The following UPB1 variants were observed in gnomAD, a reference collection of about 807,000 sequenced individuals.
The protein encoded by UPB1 is beta-ureidopropionase 1.
In UPB1, 40 loss-of-function variants were observed where a neutral mutation model predicts 49.1. That is an observed-to-expected ratio of 0.81 (90% CI 0.63 to 1.06). UPB1 has a LOEUF of 1.06. Ranked by LOEUF, UPB1 falls within the 50% of genes least tolerant of loss-of-function variation. The pLI, the probability that UPB1 is intolerant of heterozygous loss-of-function variation, is 0.00. For missense variants in UPB1, 499 were observed against 505.9 expected, an observed-to-expected ratio of 0.99 and a Z score of 0.13; for synonymous variants, 207 against 198.2, an observed-to-expected ratio of 1.04 and a Z score of -0.38.
At position 24,515,234 on chromosome 22, in the gene UPB1, C is replaced by G. The variant is rs199744697; in HGVS notation, c.655C>G (p.Pro219Ala). The part of the protein sequence containing the change: ...TYYMEGNLGH[P>A]VFQTQFGRIA... ...CTACATGGAGGGAAACCTGGGCCAC[C>G]CCGTGTTCCAGACGCAGTTCGGAAG... Residue 219 changes from proline to alanine, a missense_variant, in exon 6 of 10, where the codon CCC becomes GCC. Pro to Ala is a conservative substitution (Grantham distance 27). Coordinates refer to ENST00000326010, the MANE Select transcript of UPB1 (RefSeq NM_016327.3). 7 of 1,614,184 alleles carry G rather than the reference C, an allele frequency of 4.3e-6. No individual in the cohort carries two copies. The Admixed American group carries it at 6.7e-5, about 15-fold the overall frequency.
rs187839543 is a variant in UPB1, at chr22:24,497,367, C to T, written c.104+1860C>T. Among the ~76,000 whole-genome samples, 110 of 152,276 alleles carry T rather than the reference C, an allele frequency of 7.2e-4. 1 individual carries two copies. Among genetic ancestry groups the T allele is most frequent in the South Asian group, 3.5e-3 (17 of 4,830 alleles). On this transcript the variant is annotated intron_variant, in intron 1 of 9. Coordinates refer to ENST00000326010, the MANE Select transcript of UPB1 (RefSeq NM_016327.3). ...ATTTGATTCACCCCCGCCATGAGCA[C>T]ATGTCTCTTTTGTAACAGAGCTCTA... is the stretch of plus-strand genomic sequence containing the variant.
In UPB1 at chr22:24,505,175, A is replaced by G. The variant is rs958257738; in HGVS notation, c.364+2962A>G. 2.6e-5 allele frequency among the ~76,000 whole-genome samples: 4 copies of G among 152,120 alleles called. No individual in the cohort carries two copies. In the East Asian group the frequency reaches 5.8e-4, roughly 22 times the overall value. The stretch of plus-strand genomic sequence containing the variant: ...CTTTTGGTCTGAAAGTCCCTGTTGT[A>G]TTACATCCTGTTCTTGCATCATGGT... On this transcript the variant is annotated intron_variant, in intron 3 of 9. Transcript: ENST00000326010.
intron 3 of UPB1, among the ~76,000 whole-genome samples, chr22:24,510,109 G>A (rs1431540723): frequency 6.6e-6 from 1 of 151,854 alleles, no homozygotes; most frequent in East Asian, 1.9e-4. Context: ...GCGCATACCT[G>A]TAATCCCATC....
At chr22:24,517,824 G>C (rs1043075908) in intron 6 of UPB1, among the ~76,000 whole-genome samples, 3 of 152,152 alleles carry the variant, frequency 2.0e-5, no homozygotes, top group African/African-American at 7.2e-5. Context: ...ATGCCCTTTG[G>C]CCTGATAATG....
chr22:24,509,379 AAAAAAAAAAAAAAAAAAG>A (rs2044152914), intron 3 of UPB1, among the ~76,000 whole-genome samples: 1 of 55,684 alleles, frequency 1.8e-5, no homozygotes, highest in Non-Finnish European at 5.3e-5. Context: ...AAAAAAAAAA[AAAAAAAAAAAAAAAAAAG>A]CAAAAACCAA....
At position 24,501,767 on chromosome 22, in the gene UPB1, G is replaced by A. The variant is rs370125814; in HGVS notation, c.277-359G>A. Among the ~76,000 whole-genome samples the A allele has an allele frequency of 1.1e-3, 165 of 152,286 alleles. 2 individuals carry two copies. The South Asian group carries it at 0.032, about 29-fold the overall frequency. ...CTCTGAAGGCAGGAGAGTGGGGAGC[G>A]GAGTCCCGGGCCAAGGGGGTGGCTG... is the stretch of plus-strand genomic sequence containing the variant. On this transcript the variant is annotated intron_variant, in intron 2 of 9. Transcript: ENST00000326010.
intron 6 of UPB1, chr22:24,519,993 T>G (rs534600851): frequency 3.4e-5 from 10 of 293,856 alleles, no homozygotes; most frequent in African/African-American, 1.7e-4. Flanking sequence ...ACCACTTGGA[T>G]CTTCACCTGC....
At chr22:24,513,600 G>A (rs1000826352) in intron 5 of UPB1, 115 bp downstream of exon 5, 53 of 1,412,390 alleles carry the variant, frequency 3.8e-5, no homozygotes, top group Middle Eastern at 2.4e-4. Context: ...TCCATGTCAC[G>A]TACACTCCAC....
rs77989906 is a variant in UPB1 at position 24,499,556 on chromosome 22, A to G, written c.105-551A>G. ...CAAGCCCACCCAACACCAGATGTAG[A>G]ACTGGCCTCCCCCAGCAGGAGCAGC... On this transcript the variant is annotated intron_variant, in intron 1 of 9. Transcript: ENST00000326010. 8.4e-3 allele frequency among the ~76,000 whole-genome samples: 1,275 copies of G among 152,274 alleles called. 24 individuals carry two copies. Among genetic ancestry groups the G allele is most frequent in the African/African-American group, 0.029 (1,191 of 41,556 alleles).
At chr22:24,502,042 T>C (rs2044002228) in intron 2 of UPB1, 84 bp from the exon 3 acceptor site, 1 of 1,432,912 alleles carries the variant, frequency 7.0e-7, no homozygotes, top group African/African-American at 1.4e-5. Flanking sequence ...TGGGCATTGA[T>C]TTTTCCATAT....
chr22:24,521,722 C>CA (rs1437730651), intron 7 of UPB1, among the ~76,000 whole-genome samples: 1 of 152,196 alleles, frequency 6.6e-6, no homozygotes. Flanking sequence ...TCTCTTCTCT[C>CA]AGATTATGAA....
chr22:24,497,318 T>C (rs2043910326), intron 1 of UPB1, among the ~76,000 whole-genome samples: 1 of 152,190 alleles, frequency 6.6e-6, no homozygotes, highest in South Asian at 2.1e-4. Flanking sequence ...GGAATGTATG[T>C]TTCATTTTAT....
intron 7 of UPB1, among the ~76,000 whole-genome samples, chr22:24,521,478 A>C (rs528156124): frequency 6.6e-6 from 1 of 152,222 alleles, no homozygotes; most frequent in East Asian, 1.9e-4. Context: ...TCCGTCTCCA[A>C]AATAAATAAA....
intron 2 of UPB1, among the ~76,000 whole-genome samples, chr22:24,501,275 C>T (rs1355124989): frequency 6.6e-6 from 1 of 151,852 alleles, no homozygotes; most frequent in Non-Finnish European, 1.5e-5. Flanking sequence ...GACTATAGGC[C>T]TTGTGGAGAG....
intron 3 of UPB1, among the ~76,000 whole-genome samples, chr22:24,508,317 C>G (rs564298357): frequency 1.7e-4 from 26 of 152,218 alleles, no homozygotes; most frequent in Non-Finnish European, 3.8e-4. Context: ...CCAGCACTTT[C>G]TGAGCCTGAG....
At chr22:24,510,944 A>T in intron 4 of UPB1, 101 bp downstream of exon 4, 2 of 1,207,756 alleles carry the variant, frequency 1.7e-6, no homozygotes, top group Non-Finnish European at 2.4e-6. Context: ...TGGAAAATGC[A>T]CCCATTTGGT....
At chr22:24,502,008 C>A in intron 2 of UPB1, 118 bp from the exon 3 acceptor site, 1 of 1,008,618 alleles carries the variant, frequency 9.9e-7, no homozygotes, top group Non-Finnish European at 1.6e-6. Flanking sequence ...AACCTCCCCA[C>A]CCTACTCCTC....
chr22:24,514,084 C>T (rs1221540797), intron 5 of UPB1, among the ~76,000 whole-genome samples: 1 of 152,054 alleles, frequency 6.6e-6, no homozygotes, highest in Non-Finnish European at 1.5e-5. Flanking sequence ...AAGATGGGAG[C>T]GGTGGATGTT....
intron 3 of UPB1, among the ~76,000 whole-genome samples, chr22:24,504,777 T>C (rs2044057814): frequency 6.8e-6 from 1 of 146,336 alleles, no homozygotes; most frequent in Non-Finnish European, 1.5e-5. Context: ...ACTGAGGCTG[T>C]AGTGCAGTGG....
Sources: allele counts gnomAD v4.1 joint callset (sites outside exome capture counted in the v4.1 genomes callset), GRCh38; gene constraint gnomAD v4.1.1; transcripts MANE v1.5; gene names NCBI Gene and HGNC (gene_info 2026-07-23, HGNC 2026-07-21).